The following GRIP1 variants were observed in gnomAD, a reference collection of about 807,000 sequenced individuals.
GRIP1 encodes the protein glutamate receptor-interacting protein 1.
A neutral mutation model predicts 129.9 loss-of-function variants in GRIP1; 45 were observed. That is an observed-to-expected ratio of 0.35 (90% CI 0.27 to 0.44). The LOEUF is 0.44. Ranked by LOEUF, GRIP1 falls within the 20% of genes least tolerant of loss-of-function variation. The probability of loss-of-function intolerance (pLI) is 1.00; values close to 1 mark genes in which losing one functional copy is unlikely to be tolerated. For synonymous variants in GRIP1, 530 were observed against 520.8 expected (o/e 1.02, Z -0.24); for missense variants, 1,196 against 1,396.8 (o/e 0.86, Z 2.29).
chr12:66,416,928 C>G (rs2057625560), intron 15 of GRIP1, among the ~76,000 whole-genome samples: 1 of 151,096 alleles, frequency 6.6e-6, no homozygotes, highest in African/African-American at 2.4e-5. Context: ...ACCATGATAA[C>G]AAAACCAGAC....
chr12:66,395,578 A>AT (rs1247885873), intron 16 of GRIP1, among the ~76,000 whole-genome samples: 1 of 152,216 alleles, frequency 6.6e-6, no homozygotes, highest in African/African-American at 2.4e-5. Context: ...TTGGGAAGCA[A>AT]TGTGTCCTCT....
chr12:66,912,932 G>GA (rs1429288376), intron 1 of GRIP1, among the ~76,000 whole-genome samples: 3 of 152,062 alleles, frequency 2.0e-5, no homozygotes, highest in African/African-American at 7.2e-5. Context: ...AAACTCTAAT[G>GA]AAAAAACCCA....
At chr12:66,602,567 C>T (rs572548533) in intron 1 of GRIP1, among the ~76,000 whole-genome samples, 61 of 152,264 alleles carry the variant, frequency 4.0e-4, no homozygotes, top group Admixed American at 7.8e-4. Flanking sequence ...CATTTCATTT[C>T]CTTCCCTAAT....
chr12:66,752,479 T>C (rs528864479), intron 1 of GRIP1, among the ~76,000 whole-genome samples: 1 of 152,328 alleles, frequency 6.6e-6, no homozygotes, highest in Non-Finnish European at 1.5e-5. Flanking sequence ...AGGACAGTCA[T>C]ACATTTTGTT....
chr12:66,794,869 T>C (rs2038650466), intron 1 of GRIP1, among the ~76,000 whole-genome samples: 1 of 152,166 alleles, frequency 6.6e-6, no homozygotes, highest in Non-Finnish European at 1.5e-5. Flanking sequence ...AAACTTGGCA[T>C]TGGTAGATAA....
rs185089377 is a variant in GRIP1 at position 66,572,440 on chromosome 12, T to C, written c.136+24407A>G. ...CTTCCTCCCACCCCACCCCCAAGCA[T>C]GGCTATTCTATGAGGGATCAGGGCA... On this transcript the variant is annotated intron_variant, in intron 2 of 24. Coordinates refer to ENST00000359742, the MANE Select transcript of GRIP1 (RefSeq NM_001366722.1). Among the ~76,000 whole-genome samples, 52 of 152,232 alleles carry C rather than the reference T, an allele frequency of 3.4e-4. 1 individual carries two copies. The Middle Eastern group carries it at 0.01, about 30-fold the overall frequency.
chr12:67,068,984 G>T, intron 1 of GRIP1: 3 of 759,868 alleles, frequency 3.9e-6, no homozygotes, highest in Non-Finnish European at 4.8e-6. Flanking sequence ...GCCGGGGAGA[G>T]GGAGGCACCG....
chr12:66,406,104 G>T (rs927043651), intron 16 of GRIP1, among the ~76,000 whole-genome samples, 179 bp downstream of exon 16: 1 of 152,042 alleles, frequency 6.6e-6, no homozygotes, highest in African/African-American at 2.4e-5. Context: ...TCATTTACAA[G>T]CACCATTATT....
chr12:66,480,672 C>T (rs1444983947), intron 7 of GRIP1, among the ~76,000 whole-genome samples: 2 of 152,144 alleles, frequency 1.3e-5, no homozygotes, highest in African/African-American at 2.4e-5. Context: ...TACTACAAGG[C>T]TACAGTAACC....
intron 1 of GRIP1, among the ~76,000 whole-genome samples, chr12:67,057,436 T>TAAAAA (rs71088237): frequency 4.7e-5 from 6 of 126,794 alleles, no homozygotes; most frequent in African/African-American, 1.8e-4. Flanking sequence ...TCCAAGAACG[T>TAAAAA]AAAAAAAAAA....
intron 1 of GRIP1, among the ~76,000 whole-genome samples, chr12:66,968,043 C>A (rs2042021736): frequency 6.6e-6 from 1 of 152,104 alleles, no homozygotes; most frequent in African/African-American, 2.4e-5. Context: ...GTGTTGAAGT[C>A]CACAGCTACA....
chr12:66,977,739 A>C (rs2137605074), intron 1 of GRIP1, among the ~76,000 whole-genome samples: 2 of 151,270 alleles, frequency 1.3e-5, no homozygotes, highest in Middle Eastern at 7.0e-3. Flanking sequence ...TGTAAGATAT[A>C]ACACCCAAGT....
intron 1 of GRIP1, among the ~76,000 whole-genome samples, chr12:66,844,953 C>A (rs932103185): frequency 6.6e-6 from 1 of 152,014 alleles, no homozygotes; most frequent in Non-Finnish European, 1.5e-5. Context: ...TTGCCAGGGG[C>A]TGAGAAGTGA....
At chr12:66,795,564 A>T (rs974731262) in intron 1 of GRIP1, among the ~76,000 whole-genome samples, 1 of 152,212 alleles carries the variant, frequency 6.6e-6, no homozygotes, top group Non-Finnish European at 1.5e-5. Context: ...ATTTATTTTT[A>T]AACATAAAAG....
chr12:66,883,783 G>C (rs140592352), intron 1 of GRIP1, among the ~76,000 whole-genome samples: 42 of 152,256 alleles, frequency 2.8e-4, no homozygotes, highest in Middle Eastern at 3.4e-3. Context: ...TGGAGAAGAG[G>C]GCAGATCGGG....
chr12:66,958,601 G>C (rs563529327), intron 1 of GRIP1, among the ~76,000 whole-genome samples: 1 of 152,214 alleles, frequency 6.6e-6, no homozygotes, highest in African/African-American at 2.4e-5. Context: ...CTACATTTTT[G>C]ACCTAACAAT....
chr12:67,053,935 T>C (rs997354360), intron 1 of GRIP1, among the ~76,000 whole-genome samples: 5 of 152,240 alleles, frequency 3.3e-5, no homozygotes, highest in Admixed American at 3.3e-4. Context: ...CAGAAATAAT[T>C]TGAAAATTTA....
rs537012137 is a variant in GRIP1, at chr12:66,708,733, A to C, written c.-419-78397T>G. Among the ~76,000 whole-genome samples the C allele has an allele frequency of 2.9e-3, 438 of 152,006 alleles. 1 individual carries two copies. Among genetic ancestry groups the C allele is most frequent in the African/African-American group, 0.01 (420 of 41,520 alleles). Reference sequence around the variant, plus strand: ...TGTGCAGAATGTGCAGTTTTGTTACATAGGTATACATGTGCCATGGTGGTT... The same window carrying C: ...TGTGCAGAATGTGCAGTTTTGTTACCTAGGTATACATGTGCCATGGTGGTT... On this transcript the variant is annotated intron_variant, in intron 1 of 4. Transcript: ENST00000538373.
Position 66,798,612 on chromosome 12 carries a change from C to A in GRIP1, c.-420+5441G>T, listed in dbSNP as rs556057300. 6.6e-5 allele frequency among the ~76,000 whole-genome samples: 10 copies of A among 152,262 alleles called. No individual in the cohort carries two copies. The East Asian group carries it at 7.7e-4, about 12-fold the overall frequency. ...TATTTCAGATAGCATGCCGTACTAA[C>A]TGGACTCCGAAGTCCCTCCTAACTC... On this transcript the variant is annotated intron_variant, in intron 1 of 4. Transcript: ENST00000538373.
Sources: gnomAD v4.1 joint callset for allele counts (sites outside exome capture counted in the v4.1 genomes callset) on GRCh38, gnomAD v4.1.1 for gene constraint, MANE v1.5 for transcripts, NCBI Gene and HGNC (gene_info 2026-07-23, HGNC 2026-07-21) for gene names.